MYO9B: variants seen among roughly 807,000 people sequenced by gnomAD.
The protein encoded by MYO9B is myosin IXB.
Under a neutral mutation model 229.5 loss-of-function variants are expected in MYO9B, and 71 were observed. The ratio of observed to expected loss-of-function variants is 0.31; its 90% confidence interval spans 0.26 to 0.38. The LOEUF (loss-of-function observed/expected upper bound fraction) is 0.38, where lower values mean the gene tolerates loss of function less well. Among genes scored for constraint, MYO9B ranks in the 10% least tolerant of loss-of-function variants. The probability of loss-of-function intolerance (pLI) is 1.00; values close to 1 mark genes in which losing one functional copy is unlikely to be tolerated. For synonymous variants in MYO9B, 1,185 were observed against 1,235.8 expected, an observed-to-expected ratio of 0.96 and a Z score of 0.86; for missense variants, 2,255 against 2,920.5, an observed-to-expected ratio of 0.77 and a Z score of 5.25.
Position 17,176,045 on chromosome 19 carries a change from T to G in MYO9B, c.2219+304T>G, listed in dbSNP as rs184419501. On this transcript the variant is annotated intron_variant, in intron 14 of 39. Transcript: ENST00000682292. ...TGTTGGTTTTTGTTTGTTTGTTTGT[T>G]TTTAGACAGAGTCTTGCTCTGTTGC... 5.2e-3 allele frequency among the ~76,000 whole-genome samples: 785 copies of G among 151,988 alleles called. 3 individuals carry two copies. Among genetic ancestry groups the G allele is most frequent in the Middle Eastern group, 0.017 (5 of 294 alleles).
intron 3 of MYO9B, among the ~76,000 whole-genome samples, chr19:17,146,023 G>C (rs150866371): frequency 2.0e-5 from 3 of 151,346 alleles, no homozygotes; most frequent in African/African-American, 7.3e-5. Context: ...GGATTTGCAC[G>C]TAGATGGATA....
In MYO9B at chr19:17,203,185, G is replaced by A; in HGVS notation, c.4917G>A (p.Gln1639=). The A allele has an allele frequency of 6.3e-7, 1 of 1,579,776 alleles. No individual in the cohort carries two copies. The highest frequency in any genetic ancestry group is 1.2e-5 in the South Asian group (1 of 86,062). ...ACGGGCACGTGTTCGCCAGCTACCA[G>A]GTTAGCATCCCGCAGTCGTGCGAGC... ...EHNGHVFASY[Q]VSIPQSCEQC... The change falls in exon 30 of 40, where the codon CAG becomes CAA. Residue 1639 remains glutamine, a synonymous_variant. Transcript: ENST00000682292.
At chr19:17,181,530 G>A (rs1266429452) in intron 15 of MYO9B, among the ~76,000 whole-genome samples, 3 of 152,234 alleles carry the variant, frequency 2.0e-5, no homozygotes, top group Non-Finnish European at 4.4e-5. Flanking sequence ...AGCACACTGT[G>A]GGATTGAGTA....
rs369918177 is a variant in MYO9B, at chr19:17,202,264, C to T, written c.4797C>T (p.Phe1599=). 9.4e-6 allele frequency: 15 copies of T among 1,589,616 alleles called. No individual in the cohort carries two copies. In the Middle Eastern group the frequency reaches 5.0e-4, roughly 52 times the overall value. ...LNLFQSLLDE[F]TRGYTKNDFE... ...TCTTCCAGTCACTGCTAGATGAGTT[C>T]ACCCGTGGCTACACCAAGAACGACT... The change falls in exon 28 of 40, where the codon TTC becomes TTT. Residue 1599 remains phenylalanine (F), a synonymous_variant. Transcript: ENST00000682292.
At chr19:17,082,547 G>A (rs1283871256) in intron 1 of MYO9B, among the ~76,000 whole-genome samples, 2 of 152,150 alleles carry the variant, frequency 1.3e-5, no homozygotes, top group Non-Finnish European at 2.9e-5. Flanking sequence ...ATCGGGGGCA[G>A]GAGGGTGACA....
chr19:17,210,907 T>C, intron 38 of MYO9B, 59 bp downstream of exon 38: 1 of 1,556,762 alleles, frequency 6.4e-7, no homozygotes, highest in African/African-American at 1.4e-5. Context: ...GGAGTGCAGG[T>C]TCCATCCCTG....
chr19:17,129,869 G>A (rs2072172995), intron 2 of MYO9B, among the ~76,000 whole-genome samples: 1 of 152,124 alleles, frequency 6.6e-6, no homozygotes, highest in Admixed American at 6.5e-5. Flanking sequence ...AGGCTGGAGT[G>A]CAGTGGTGCA....
At chr19:17,092,836 A>C (rs2057651477) in intron 1 of MYO9B, among the ~76,000 whole-genome samples, 1 of 151,974 alleles carries the variant, frequency 6.6e-6, no homozygotes, top group South Asian at 2.1e-4. Flanking sequence ...GTGTACAAGC[A>C]TGTGTGTGCA....
Position 17,101,815 on chromosome 19 carries a change from C to T in MYO9B, c.98C>T (p.Ser33Leu), listed in dbSNP as rs769722138. Reference sequence around the variant, plus strand: ...CTGTCCACCACCGAGAGCCAGGCCTCGTGCCGCGTGACTGCCACCAAGGAC... The same window carrying T: ...CTGTCCACCACCGAGAGCCAGGCCTTGTGCCGCGTGACTGCCACCAAGGAC... ...PQLSTTESQASCRVTATKDST... is the reference protein window; with the variant it reads ...PQLSTTESQALCRVTATKDST... The change falls in exon 2 of 40, where the codon TCG (serine) becomes TTG (leucine). Residue 33 changes from serine to leucine, a missense_variant. By Grantham distance (145) the Ser-to-Leu change is moderately radical. Coordinates refer to ENST00000682292, the MANE Select transcript of MYO9B (RefSeq NM_004145.4). This position sits in a 1 kb window ranked among gnomAD's most constrained non-coding sequence, Gnocchi z 4.7. The T allele has an allele frequency of 4.4e-6, 7 of 1,608,034 alleles. No homozygotes were observed. Among genetic ancestry groups the T allele is most frequent in the Non-Finnish European group, 5.9e-6 (7 of 1,178,990 alleles).
chr19:17,094,694 CA>C (rs1368537274), intron 1 of MYO9B, among the ~76,000 whole-genome samples: 1 of 152,164 alleles, frequency 6.6e-6, no homozygotes, highest in Non-Finnish European at 1.5e-5. Context: ...GTAATCCCAG[CA>C]CTTTGGGAGG....
chr19:17,133,388 T>C (rs1056097974), intron 2 of MYO9B, among the ~76,000 whole-genome samples: 2 of 152,142 alleles, frequency 1.3e-5, no homozygotes, highest in African/African-American at 2.4e-5. Flanking sequence ...TCCTCTCTAA[T>C]TGAAATTTAT....
chr19:17,144,931 C>T (rs1473778005), intron 2 of MYO9B, among the ~76,000 whole-genome samples: 1 of 147,070 alleles, frequency 6.8e-6, no homozygotes, highest in African/African-American at 2.5e-5. Context: ...GATTGCGCCC[C>T]TGCACTCCAG....
intron 3 of MYO9B, among the ~76,000 whole-genome samples, chr19:17,147,747 G>A (rs866192295): frequency 3.9e-5 from 5 of 127,852 alleles, no homozygotes; most frequent in Non-Finnish European, 7.8e-5. Flanking sequence ...GTACAATGGC[G>A]TGATCTCGGC....
chr19:17,102,961 C>T (rs1239515751), intron 2 of MYO9B, among the ~76,000 whole-genome samples: 1 of 148,000 alleles, frequency 6.8e-6, no homozygotes, highest in African/African-American at 2.5e-5. Context: ...ATGTCTATAA[C>T]CCCAGTGGTT....
chr19:17,086,154 C>T (rs1353279214), intron 1 of MYO9B, among the ~76,000 whole-genome samples: 4 of 152,202 alleles, frequency 2.6e-5, no homozygotes, highest in African/African-American at 7.2e-5. Flanking sequence ...GCCCCTGCAT[C>T]AAACCACACG....
chr19:17,163,310 G>A (rs553307230), intron 10 of MYO9B, among the ~76,000 whole-genome samples, 188 bp downstream of exon 10: 1 of 148,578 alleles, frequency 6.7e-6, no homozygotes, highest in African/African-American at 2.5e-5. Context: ...CTGAGACTCT[G>A]TCCCCATGAA....
chr19:17,151,230 A>G (rs1251062606), intron 3 of MYO9B, among the ~76,000 whole-genome samples: 29 of 151,820 alleles, frequency 1.9e-4, no homozygotes, highest in Non-Finnish European at 1.5e-5. Flanking sequence ...GTGAGCTGAG[A>G]TCACGCCATT....
chr19:17,152,826 G>A lies in MYO9B; in HGVS notation c.998+120G>A, dbSNP rs2072493783. 5 of 816,752 alleles carry A rather than the reference G, an allele frequency of 6.1e-6. No individual in the cohort carries two copies. In the East Asian group the frequency reaches 1.3e-4, roughly 21 times the overall value. The allele number at this position is 816,752 out of a possible 1,614,324, so 50.6% of individuals were successfully genotyped here. A position where few individuals can be genotyped will look rare whatever the true frequency, so the allele number is the denominator to read the frequency against. On this transcript the variant is annotated intron_variant, in intron 4 of 39. Transcript: ENST00000682292. ...GAGGAATTCTGGGGGAGGCCGTGGA[G>A]GCTCTCACAGGAGCAGGGCCTGCCC...
At chr19:17,153,906 G>A (rs1238353257) in intron 4 of MYO9B, 61 bp from the exon 5 acceptor site, 9 of 1,250,016 alleles carry the variant, frequency 7.2e-6, no homozygotes, top group South Asian at 3.6e-5. Context: ...GTAGTGGTTC[G>A]CAGAGTAGCT....
Sources: allele counts gnomAD v4.1 joint callset (sites outside exome capture counted in the v4.1 genomes callset), GRCh38; gene constraint gnomAD v4.1.1; non-coding constraint Gnocchi (gnomAD v3.1); transcripts MANE v1.5; gene names NCBI Gene and HGNC (gene_info 2026-07-23, HGNC 2026-07-21).